NEDD9: variants seen among roughly 807,000 people sequenced by gnomAD.
The protein encoded by NEDD9 is enhancer of filamentation 1.
Under a neutral mutation model 76.6 loss-of-function variants are expected in NEDD9, and 26 were observed. The observed-to-expected ratio is 0.34, with a 90% CI of 0.25 to 0.47. The LOEUF is 0.47. Ranked by LOEUF, NEDD9 falls within the 20% of genes least tolerant of loss-of-function variation. The pLI is 1.00. For missense variants in NEDD9, 937 were observed against 1,058.5 expected (o/e 0.89, Z 1.59); for synonymous variants, 392 against 414.2 (o/e 0.95, Z 0.65).
At chr6:11,251,756 A>G (rs1458256873) in intron 3 of NEDD9, 1 of 152,294 alleles carries the variant, frequency 6.6e-6, no homozygotes, top group East Asian at 1.9e-4. Flanking sequence ...CAAAACAAGG[A>G]GCTGGCAAGG....
chr6:11,222,795 A>G (rs572042829), intron 1 of NEDD9, among the ~76,000 whole-genome samples: 2 of 152,354 alleles, frequency 1.3e-5, no homozygotes, highest in East Asian at 3.9e-4. Flanking sequence ...CTAGGCCTGT[A>G]AGAGGAAGTT....
chr6:11,374,596 T>C (rs890964709), intron 1 of NEDD9, among the ~76,000 whole-genome samples: 1 of 152,182 alleles, frequency 6.6e-6, no homozygotes, highest in Non-Finnish European at 1.5e-5. Flanking sequence ...ATTTGATAAC[T>C]GTGTGGTAGC....
chr6:11,297,959 G>A (rs1561820946), intron 3 of NEDD9, among the ~76,000 whole-genome samples: 2 of 149,776 alleles, frequency 1.3e-5, no homozygotes, highest in Admixed American at 6.7e-5. Context: ...CTAGGTTGGA[G>A]TGCAGTGGTG....
At chr6:11,230,048 C>T (rs773302578) in intron 1 of NEDD9, among the ~76,000 whole-genome samples, 1 of 152,184 alleles carries the variant, frequency 6.6e-6, no homozygotes, top group East Asian at 1.9e-4. Flanking sequence ...CATAGAGCAA[C>T]GTAGTATTTT....
chr6:11,373,808 A>G (rs897563798), intron 1 of NEDD9, among the ~76,000 whole-genome samples: 10 of 152,218 alleles, frequency 6.6e-5, no homozygotes, highest in Admixed American at 2.6e-4. Context: ...CATTTAAATG[A>G]GTAGGCTTTG....
chr6:11,276,499 G>C (rs1027953610), intron 3 of NEDD9, among the ~76,000 whole-genome samples: 1 of 152,172 alleles, frequency 6.6e-6, no homozygotes, highest in Non-Finnish European at 1.5e-5. Context: ...GGAATTCCTA[G>C]GGCCTAGAAC....
At chr6:11,330,968 G>A (rs1289493184) in intron 2 of NEDD9, among the ~76,000 whole-genome samples, 1 of 152,132 alleles carries the variant, frequency 6.6e-6, no homozygotes, top group Non-Finnish European at 1.5e-5. Context: ...TTTCACAAAT[G>A]GAATATTGTG....
chr6:11,333,474 T>A (rs1762090630), intron 2 of NEDD9, among the ~76,000 whole-genome samples: 2 of 152,204 alleles, frequency 1.3e-5, no homozygotes, highest in Non-Finnish European at 1.5e-5. Flanking sequence ...GCCTCACAGG[T>A]ATTGACTCCT....
chr6:11,270,654 C>A (rs1244941948), intron 3 of NEDD9, among the ~76,000 whole-genome samples: 2 of 152,182 alleles, frequency 1.3e-5, no homozygotes, highest in Admixed American at 6.5e-5. Context: ...GCTGGCAAAA[C>A]CCTAGAAAGC....
chr6:11,273,108 G>T (rs1442123897), intron 3 of NEDD9, among the ~76,000 whole-genome samples: 1 of 152,104 alleles, frequency 6.6e-6, no homozygotes, highest in Admixed American at 6.5e-5. Flanking sequence ...CTGAAAAAAA[G>T]ACACTCCTAT....
At chr6:11,373,259 T>A (rs971339638) in intron 1 of NEDD9, among the ~76,000 whole-genome samples, 2 of 152,370 alleles carry the variant, frequency 1.3e-5, no homozygotes, top group East Asian at 1.9e-4. Flanking sequence ...CATCATCCTT[T>A]ATAACTGAAT....
intron 2 of NEDD9, among the ~76,000 whole-genome samples, chr6:11,310,569 C>G (rs1472291147): frequency 6.6e-6 from 1 of 152,096 alleles, no homozygotes; most frequent in African/African-American, 2.4e-5. Flanking sequence ...TGTCAGGCAG[C>G]CTTCTGTAGT....
chr6:11,334,831 C>A (rs1762118771), intron 1 of NEDD9, among the ~76,000 whole-genome samples: 2 of 152,188 alleles, frequency 1.3e-5, no homozygotes, highest in Non-Finnish European at 2.9e-5. Context: ...GCAGAGACAA[C>A]TGGCAACATC....
intron 4 of NEDD9, 58 bp downstream of exon 4, chr6:11,192,287 C>CT: frequency 1.8e-6 from 1 of 542,954 alleles, no homozygotes; most frequent in Non-Finnish European, 2.8e-6. Flanking sequence ...CCCTGCACCC[C>CT]CCGACACACA....
At chr6:11,310,116 G>C (rs1366709818) in intron 2 of NEDD9, among the ~76,000 whole-genome samples, 1 of 152,128 alleles carries the variant, frequency 6.6e-6, no homozygotes, top group Non-Finnish European at 1.5e-5. Context: ...TTGCTGAATT[G>C]CCCAGCTGGG....
chr6:11,225,035 C>T (rs945781322), intron 1 of NEDD9, among the ~76,000 whole-genome samples: 1 of 152,174 alleles, frequency 6.6e-6, no homozygotes, highest in Non-Finnish European at 1.5e-5. Context: ...CAAATCTGAA[C>T]TTTACACGTG....
At chr6:11,311,176 C>T (rs904656613) in intron 2 of NEDD9, among the ~76,000 whole-genome samples, 1 of 152,084 alleles carries the variant, frequency 6.6e-6, no homozygotes, top group Non-Finnish European at 1.5e-5. Context: ...GAATTGTGTA[C>T]CCCCAAATTC....
intron 1 of NEDD9, among the ~76,000 whole-genome samples, chr6:11,221,278 G>A (rs1759135950): frequency 6.6e-6 from 1 of 151,930 alleles, no homozygotes; most frequent in Non-Finnish European, 1.5e-5. Context: ...AGTTACTCGG[G>A]AGGCTGAGGC....
intron 1 of NEDD9, among the ~76,000 whole-genome samples, chr6:11,228,585 TG>T (rs1759377642): frequency 7.1e-6 from 1 of 140,948 alleles, no homozygotes; most frequent in Non-Finnish European, 1.5e-5. Flanking sequence ...AAGACTGGAG[TG>T]AAGGGAGAGA....
Sources: gnomAD v4.1 joint callset for allele counts (sites outside exome capture counted in the v4.1 genomes callset) on GRCh38, gnomAD v4.1.1 for gene constraint, MANE v1.5 for transcripts, NCBI Gene and HGNC (gene_info 2026-07-23, HGNC 2026-07-21) for gene names.